HCN4: variants seen among roughly 807,000 people sequenced by gnomAD.
HCN4 encodes hyperpolarization activated cyclic nucleotide gated potassium channel 4.
A neutral mutation model predicts 76.9 loss-of-function variants in HCN4; 29 were observed. The ratio of observed to expected loss-of-function variants is 0.38; its 90% confidence interval spans 0.28 to 0.51. The LOEUF (loss-of-function observed/expected upper bound fraction) is 0.51, where lower values mean the gene tolerates loss of function less well. Among genes scored for constraint, HCN4 ranks in the 20% least tolerant of loss-of-function variants. The probability of loss-of-function intolerance (pLI) is 0.90; values close to 1 mark genes in which losing one functional copy is unlikely to be tolerated. For missense variants in HCN4, 1,416 were observed against 1,715.2 expected (o/e 0.83, Z 3.08); for synonymous variants, 772 against 762.5 (o/e 1.01, Z -0.21).
rs948564988 is a variant in HCN4 at position 73,320,788 on chromosome 15, C to G, written c.*1693G>C. 2 of 152,428 alleles carry G rather than the reference C, an allele frequency of 1.3e-5. No individual in the cohort carries two copies. Among genetic ancestry groups the G allele is most frequent in the African/African-American group, 4.8e-5 (2 of 41,552 alleles). The allele number at this position is 152,428 out of a possible 1,614,324, so 9.4% of individuals were successfully genotyped here. A position where few individuals can be genotyped will look rare whatever the true frequency, so the allele number is the denominator to read the frequency against. ...ACCTCAGGAATCTCCCCACCATACA[C>G]TCCATCCCACCCACCATTCCCTCCC... On this transcript the variant is annotated 3_prime_UTR_variant, in exon 8 of 8. Transcript: ENST00000261917.
intron 1 of HCN4, among the ~76,000 whole-genome samples, chr15:73,355,510 A>G (rs1268083114): frequency 6.6e-6 from 1 of 152,204 alleles, no homozygotes; most frequent in Non-Finnish European, 1.5e-5. Flanking sequence ...AGAATGTGGA[A>G]GACATCCTGA....
In HCN4 at chr15:73,368,364, G is replaced by A; in HGVS notation, c.-94C>T. 1.1e-6 allele frequency: 1 copy of A among 907,198 alleles called. No individual in the cohort carries two copies. Among genetic ancestry groups the A allele is most frequent in the Non-Finnish European group, 1.5e-6 (1 of 676,204 alleles). 56.2% of individuals were successfully genotyped at this position (907,198 alleles called of 1,614,324 possible). A position where few individuals can be genotyped will look rare whatever the true frequency, so the allele number is the denominator to read the frequency against. On this transcript the variant is annotated 5_prime_UTR_variant, in exon 1 of 8. Coordinates refer to ENST00000261917, the MANE Select transcript of HCN4 (RefSeq NM_005477.3). The surrounding 1 kb of genome is among the most constrained non-coding windows in gnomAD (Gnocchi z 6.9). ...GCCCGCCGGTCAGTCCGCCCGTGGGGACGCGTCCTTTGCCGCCGGCGTGGG... is the reference window on the plus strand; with the variant it reads ...GCCCGCCGGTCAGTCCGCCCGTGGGAACGCGTCCTTTGCCGCCGGCGTGGG...
intron 2 of HCN4, among the ~76,000 whole-genome samples, chr15:73,333,411 G>A (rs2042944335): frequency 6.6e-6 from 1 of 152,216 alleles, no homozygotes; most frequent in Non-Finnish European, 1.5e-5. Flanking sequence ...AAATGCCACA[G>A]AGACCTAGTT....
Position 73,329,804 on chromosome 15 carries a change from G to C in HCN4, c.1372-13C>G. On this transcript the variant is annotated splice_polypyrimidine_tract_variant and intron_variant, in intron 3 of 7. Coordinates refer to ENST00000261917, the MANE Select transcript of HCN4 (RefSeq NM_005477.3). Reference sequence around the variant, plus strand: ...CCCAGGAGTTGTTCTGTGGACAGACGGATGGGTGGGGACAGTGGATGAGAG... The same window carrying C: ...CCCAGGAGTTGTTCTGTGGACAGACCGATGGGTGGGGACAGTGGATGAGAG... 1 of 1,604,010 alleles carries C rather than the reference G, an allele frequency of 6.2e-7. No individual in the cohort carries two copies.
At position 73,343,155 on chromosome 15, in the gene HCN4, G is replaced by A. The variant is rs1567786303; in HGVS notation, c.1209+230C>T. 6.6e-6 allele frequency among the ~76,000 whole-genome samples: 1 copy of A among 152,218 alleles called. No homozygotes were observed. The highest frequency in any genetic ancestry group is 2.4e-5 in the African/African-American group (1 of 41,446). On this transcript the variant is annotated intron_variant, in intron 2 of 7. Transcript: ENST00000261917. This position sits in a 1 kb window ranked among gnomAD's most constrained non-coding sequence, Gnocchi z 5.7. ...TCAGGTGAAAAATGAGTATATACATGTACCTATATGGTTCCCTCTATAGCT... is the reference window on the plus strand; with the variant it reads ...TCAGGTGAAAAATGAGTATATACATATACCTATATGGTTCCCTCTATAGCT...
chr15:73,366,739 G>A (rs2043129980), intron 1 of HCN4, among the ~76,000 whole-genome samples: 2 of 152,248 alleles, frequency 1.3e-5, no homozygotes, highest in Admixed American at 1.3e-4. Context: ...GCAGATGCTG[G>A]AGCTTGGGTC....
intron 1 of HCN4, among the ~76,000 whole-genome samples, chr15:73,365,444 A>C (rs1462618244): frequency 4.6e-5 from 7 of 152,100 alleles, no homozygotes; most frequent in African/African-American, 9.7e-5. Context: ...CCCATTTCAC[A>C]ATTCTGCTGT....
In HCN4 at chr15:73,353,051, C is replaced by CGGAT. The variant is rs200100810; in HGVS notation, c.786-9244_786-9243insATCC. Among the ~76,000 whole-genome samples, 989 of 139,694 alleles carry CGGAT rather than the reference C, an allele frequency of 7.1e-3. 8 individuals carry two copies. Among genetic ancestry groups the CGGAT allele is most frequent in the African/African-American group, 0.029 (964 of 33,350 alleles). The allele number at this position is 139,694 out of a possible 152,430, so 91.6% of individuals were successfully genotyped here. ...ATGGATGGATGGATGGATGGATGGA[C>CGGAT]GGACGGACGGGAGACTGTTGCCAGA... On this transcript the variant is annotated intron_variant, in intron 1 of 7. Transcript: ENST00000261917.
intron 1 of HCN4, among the ~76,000 whole-genome samples, chr15:73,363,067 C>T (rs192519798): frequency 7.5e-4 from 114 of 152,346 alleles, no homozygotes; most frequent in African/African-American, 2.7e-3. Flanking sequence ...CCAGGCAGCT[C>T]ACCTTGGAAT....
chr15:73,367,491 G>A lies in HCN4; in HGVS notation c.780C>T (p.Asp260=). ...AGFWIIHPYS[D]FRFYWDLTML... Reference sequence around the variant, plus strand: ...TCATCGCTGTGGCCCCTTACCTGAAGTCACTGTAGGGGTGGATAATCCAAA... The same window carrying A: ...TCATCGCTGTGGCCCCTTACCTGAAATCACTGTAGGGGTGGATAATCCAAA... The change falls in exon 1 of 8, where the codon GAC becomes GAT. Residue 260 remains aspartate, a synonymous_variant. Transcript: ENST00000261917. This position sits in a 1 kb window ranked among gnomAD's most constrained non-coding sequence, Gnocchi z 7.5. 1 of 1,613,524 alleles carries A rather than the reference G, an allele frequency of 6.2e-7. No homozygotes were observed. Among genetic ancestry groups the A allele is most frequent in the Non-Finnish European group, 8.5e-7 (1 of 1,179,980 alleles).
Position 73,323,265 on chromosome 15 carries a change from G to A in HCN4, c.2828C>T (p.Pro943Leu). ...ARSPQAAQPS[P>L]APPGARGGLG... ...GCCTCCCCGGGCCCCGGGTGGCGCG[G>A]GAGATGGCTGGGCAGCCTGCGGGGA... Residue 943 changes from proline to leucine, a missense_variant, in exon 8 of 8, where the codon CCC (proline) becomes CTC (leucine). This residue lies in a region of HCN4 where 633 missense variants were observed against 579.8 expected (regional missense o/e 1.09). Transcript: ENST00000261917. 1 of 1,528,868 alleles carries A rather than the reference G, an allele frequency of 6.5e-7. No homozygotes were observed. Among genetic ancestry groups the A allele is most frequent in the Non-Finnish European group, 8.8e-7 (1 of 1,137,372 alleles). The allele number at this position is 1,528,868 out of a possible 1,614,324, so 94.7% of individuals were successfully genotyped here.
intron 2 of HCN4, among the ~76,000 whole-genome samples, chr15:73,338,142 A>T (rs1451822647): frequency 1.3e-5 from 2 of 152,174 alleles, no homozygotes; most frequent in Non-Finnish European, 2.9e-5. Context: ...GTTGCCGAGA[A>T]CAAGGCTGGA....
intron 1 of HCN4, among the ~76,000 whole-genome samples, chr15:73,353,113 A>G (rs2043062546): frequency 6.6e-6 from 1 of 152,208 alleles, no homozygotes; most frequent in African/African-American, 2.4e-5. Flanking sequence ...CAAAAAAAGA[A>G]TTCACTAAAT....
chr15:73,346,708 G>A (rs1304864734), intron 1 of HCN4, among the ~76,000 whole-genome samples: 3 of 152,156 alleles, frequency 2.0e-5, no homozygotes, highest in Non-Finnish European at 2.9e-5. Flanking sequence ...CCAGGTATCC[G>A]TAAAAAGCCC....
At chr15:73,353,631 A>C (rs1339957670) in intron 1 of HCN4, among the ~76,000 whole-genome samples, 1 of 151,974 alleles carries the variant, frequency 6.6e-6, no homozygotes, top group African/African-American at 2.4e-5. Context: ...CCTCTTTACC[A>C]TTCTCTGAGG....
At position 73,368,408 on chromosome 15, in the gene HCN4, T is replaced by G. The variant is rs2043140945; in HGVS notation, c.-138A>C. On this transcript the variant is annotated 5_prime_UTR_variant, in exon 1 of 8. An upstream start codon of the reference 5' UTR is lost. Coordinates refer to ENST00000261917, the MANE Select transcript of HCN4 (RefSeq NM_005477.3). The surrounding 1 kb of genome is among the most constrained non-coding windows in gnomAD (Gnocchi z 6.9). ...GCGTGGGGGCAGCCTCAGGCGCCCA[T>G]GCTTGGGCAGGCTGCGCGCCGCGGG... 1 of 499,060 alleles carries G rather than the reference T, an allele frequency of 2.0e-6. No individual in the cohort carries two copies. Among genetic ancestry groups the G allele is most frequent in the Non-Finnish European group, 3.2e-6 (1 of 314,354 alleles). The allele number at this position is 499,060 out of a possible 1,614,324, so 30.9% of individuals were successfully genotyped here.
intron 2 of HCN4, among the ~76,000 whole-genome samples, chr15:73,342,709 T>G (rs148362974): frequency 3.4e-4 from 52 of 152,340 alleles, no homozygotes; most frequent in Non-Finnish European, 6.8e-4. Context: ...AAAACATCCC[T>G]TTCATGCAAA....
chr15:73,329,684 C>T lies in HCN4; in HGVS notation c.1479G>A (p.Trp493Ter). 6.2e-7 allele frequency: 1 copy of T among 1,614,178 alleles called. No homozygotes were observed. The highest frequency in any genetic ancestry group is 8.5e-7 in the Non-Finnish European group (1 of 1,180,004). Residue 493 changes from tryptophan to a stop codon, truncating the protein, a stop_gained, in exon 4 of 8, where the codon TGG becomes TGA. Transcript: ENST00000261917. LOFTEE classifies it high-confidence loss of function. ...CCACGATCATGCTGAGCATGGTGAG[C>T]CAGACGTCGGACATGCCCACGGGCG... ...RQAPVGMSDV[W>*]LTMLSMIVGA...
Position 73,351,320 on chromosome 15 carries a change from T to C in HCN4, c.786-7512A>G, listed in dbSNP as rs769631993. ...TTCACTGACTCCCATGGCCTTGTTA[T>C]TCTGCTGCCTTGTAAACCATACCCC... On this transcript the variant is annotated intron_variant, in intron 1 of 7. Transcript: ENST00000261917. 4.6e-5 allele frequency among the ~76,000 whole-genome samples: 7 copies of C among 152,200 alleles called. No individual in the cohort carries two copies. In the South Asian group the frequency reaches 1.5e-3, roughly 32 times the overall value.
Sources: gnomAD v4.1 joint callset for allele counts (sites outside exome capture counted in the v4.1 genomes callset) on GRCh38, gnomAD v4.1.1 for gene constraint, gnomAD v4.1.1 regional missense constraint, Gnocchi (gnomAD v3.1) non-coding constraint, MANE v1.5 for transcripts, NCBI Gene and HGNC (gene_info 2026-07-23, HGNC 2026-07-21) for gene names.